The following LEPR variants were observed in gnomAD, a reference collection of about 807,000 sequenced individuals.
LEPR encodes OB receptor.
LEPR carries 56 observed loss-of-function variants against 114.7 expected under a neutral mutation model. That is an observed-to-expected ratio of 0.49 (90% CI 0.39 to 0.61). LEPR has a LOEUF of 0.61. Ranked by LOEUF, LEPR falls within the 20% of genes least tolerant of loss-of-function variation. LEPR has a pLI of 0.00. For synonymous variants in LEPR, 443 were observed against 461.4 expected (o/e 0.96, Z 0.51); for missense variants, 1,202 against 1,352.9 (o/e 0.89, Z 1.75).
At chr1:65,472,403 G>A (rs1647095276) in intron 2 of LEPR, among the ~76,000 whole-genome samples, 1 of 78,678 alleles carries the variant, frequency 1.3e-5, no homozygotes, top group East Asian at 2.3e-4. Flanking sequence ...TCATTTAGCT[G>A]TGGCTAAAAC....
intron 2 of LEPR, among the ~76,000 whole-genome samples, chr1:65,556,518 G>A (rs1204866798): frequency 6.6e-6 from 1 of 152,056 alleles, no homozygotes; most frequent in African/African-American, 2.4e-5. Context: ...CCTAATTTTA[G>A]TTGTATGTGC....
In LEPR at chr1:65,435,242, T is replaced by C. The variant is rs542518042; in HGVS notation, c.-21+9864T>C. 7.1e-5 allele frequency: 70 copies of C among 985,216 alleles called. 1 individual carries two copies. Among genetic ancestry groups the C allele is most frequent in the Admixed American group, 5.5e-4 (9 of 16,282 alleles). 61.0% of individuals were successfully genotyped at this position (985,216 alleles called of 1,614,324 possible). A position where few individuals can be genotyped will look rare whatever the true frequency, so the allele number is the denominator to read the frequency against. On this transcript the variant is annotated intron_variant, in intron 2 of 19. Coordinates refer to ENST00000349533, the MANE Select transcript of LEPR (RefSeq NM_002303.6). Reference sequence around the variant, plus strand: ...TTTCTTACTGTCCTAAGGAAGTCCTTACCTCTGAGGTATCTCCTCAATGAA... The same window carrying C: ...TTTCTTACTGTCCTAAGGAAGTCCTCACCTCTGAGGTATCTCCTCAATGAA...
intron 2 of LEPR, among the ~76,000 whole-genome samples, chr1:65,426,817 T>C (rs1466249031): frequency 1.3e-5 from 2 of 151,984 alleles, no homozygotes; most frequent in East Asian, 1.9e-4. Flanking sequence ...GGCAACATGG[T>C]GAAACCCCAT....
rs560898824 is a variant in LEPR, at chr1:65,508,274, G to A, written c.-20-57272G>A. Reference sequence around the variant, plus strand: ...AGAAATCATTCCCCAGACCAATGTCGTGAAACTTTTCCCTAGGTTTTCTTC... The same window carrying A: ...AGAAATCATTCCCCAGACCAATGTCATGAAACTTTTCCCTAGGTTTTCTTC... On this transcript the variant is annotated intron_variant, in intron 2 of 19. Coordinates refer to ENST00000349533, the MANE Select transcript of LEPR (RefSeq NM_002303.6). 1.1e-4 allele frequency among the ~76,000 whole-genome samples: 17 copies of A among 152,226 alleles called. No homozygotes were observed. In the South Asian group the frequency reaches 2.7e-3, roughly 24 times the overall value.
At chr1:65,465,503 T>G (rs1458477443) in intron 2 of LEPR, among the ~76,000 whole-genome samples, 4 of 152,192 alleles carry the variant, frequency 2.6e-5, no homozygotes, top group Admixed American at 2.0e-4. Context: ...TATATTCTGT[T>G]GATTTGGGGT....
intron 2 of LEPR, among the ~76,000 whole-genome samples, chr1:65,455,152 C>T (rs1292712962): frequency 6.6e-6 from 1 of 152,154 alleles, no homozygotes; most frequent in Non-Finnish European, 1.5e-5. Flanking sequence ...TTAAGCACTT[C>T]TCTGTATTGG....
At chr1:65,617,913 G>T (rs753160709) in intron 15 of LEPR, 51 bp from the exon 16 acceptor site, 12 of 1,533,196 alleles carry the variant, frequency 7.8e-6, no homozygotes, top group Non-Finnish European at 1.1e-5. Flanking sequence ...AGTATTAGTA[G>T]ATTTTTATTA....
At chr1:65,526,356 C>A (rs1649971203) in intron 2 of LEPR, 4 of 985,380 alleles carry the variant, frequency 4.1e-6, no homozygotes, top group Non-Finnish European at 4.8e-6. Context: ...AACCCCAAAC[C>A]CAATCCTAAC....
chr1:65,601,740 C>T, intron 9 of LEPR, 58 bp downstream of exon 9: 3 of 1,609,142 alleles, frequency 1.9e-6, no homozygotes, highest in Non-Finnish European at 1.7e-6. Context: ...CATTATGGAC[C>T]CTCCTTATAT....
intron 5 of LEPR, among the ~76,000 whole-genome samples, chr1:65,572,726 G>A (rs541330976): frequency 6.6e-6 from 1 of 152,284 alleles, no homozygotes; most frequent in Non-Finnish European, 1.5e-5. Flanking sequence ...GGTCCGAAGG[G>A]AGTGGGTGGA....
intron 14 of LEPR, among the ~76,000 whole-genome samples, chr1:65,615,303 T>TG (rs1657462040): frequency 6.6e-6 from 1 of 152,186 alleles, no homozygotes; most frequent in Admixed American, 6.5e-5. Context: ...TGAAGTTGAT[T>TG]GGGGAAATGG....
At chr1:65,570,234 G>A (rs1204885483) in intron 3 of LEPR, among the ~76,000 whole-genome samples, 1 of 152,162 alleles carries the variant, frequency 6.6e-6, no homozygotes, top group Non-Finnish European at 1.5e-5. Context: ...AACATGAAGT[G>A]TGAGTCTTCA....
intron 2 of LEPR, 78 bp from the exon 3 acceptor site, chr1:65,565,468 T>C: frequency 7.1e-7 from 1 of 1,406,896 alleles, no homozygotes; most frequent in South Asian, 1.2e-5. Context: ...CCCTTTCCTT[T>C]TATGTTTTCC....
At chr1:65,612,528 T>C (rs1251561358) in intron 14 of LEPR, among the ~76,000 whole-genome samples, 1 of 152,162 alleles carries the variant, frequency 6.6e-6, no homozygotes, top group African/African-American at 2.4e-5. Context: ...ATCTTCTTTG[T>C]TTTTATGAAC....
At chr1:65,565,286 C>T (rs1484000977) in intron 2 of LEPR, among the ~76,000 whole-genome samples, 1 of 152,120 alleles carries the variant, frequency 6.6e-6, no homozygotes, top group Non-Finnish European at 1.5e-5. Flanking sequence ...TGATACCTGT[C>T]CTGGTTTGTT....
In LEPR at chr1:65,596,494, T is replaced by C. The variant is rs773926862; in HGVS notation, c.750T>C (p.Asp250=). Reference sequence around the variant, plus strand: ...GTTTGCATATGGAAATCACAGATGATGGTAATTTAAAGATTTCTTGGTCCA... The same window carrying C: ...GTTTGCATATGGAAATCACAGATGACGGTAATTTAAAGATTTCTTGGTCCA... The part of the protein sequence containing the change: ...PLGLHMEITD[D]GNLKISWSSP... The change falls in exon 7 of 20, where the codon GAT becomes GAC. Residue 250 remains aspartate (D), a synonymous_variant. Coordinates refer to ENST00000349533, the MANE Select transcript of LEPR (RefSeq NM_002303.6). 3 of 1,612,948 alleles carry C rather than the reference T, an allele frequency of 1.9e-6. No homozygotes were observed. In the East Asian group the frequency reaches 6.7e-5, roughly 36 times the overall value.
In LEPR at chr1:65,570,454, C is replaced by G. The variant is rs990093067; in HGVS notation, c.41-19C>G. ...AAAATGATTACTTTTTTCTATGTGT[C>G]TTTTTAATATCCTAACAGAATTTAT... is the stretch of plus-strand genomic sequence containing the variant. On this transcript the variant is annotated intron_variant, in intron 3 of 19. Coordinates refer to ENST00000349533, the MANE Select transcript of LEPR (RefSeq NM_002303.6). 12 of 1,608,780 alleles carry G rather than the reference C, an allele frequency of 7.5e-6. No individual in the cohort carries two copies. The highest frequency in any genetic ancestry group is 2.7e-5 in the African/African-American group (2 of 74,726).
intron 2 of LEPR, 111 bp from the exon 3 acceptor site, chr1:65,565,435 A>G: frequency 1.9e-6 from 2 of 1,044,642 alleles, no homozygotes; most frequent in Non-Finnish European, 2.8e-6. Context: ...TATCACATGT[A>G]AATTTAGAGA....
At chr1:65,501,203 G>A (rs1438480437) in intron 2 of LEPR, among the ~76,000 whole-genome samples, 1 of 151,868 alleles carries the variant, frequency 6.6e-6, no homozygotes, top group East Asian at 1.9e-4. Flanking sequence ...AAACTGGGTG[G>A]CTTAAAACAA....
Sources: allele counts gnomAD v4.1 joint callset (sites outside exome capture counted in the v4.1 genomes callset), GRCh38; gene constraint gnomAD v4.1.1; transcripts MANE v1.5; gene names NCBI Gene and HGNC (gene_info 2026-07-23, HGNC 2026-07-21).